CAPZB: variants seen among roughly 807,000 people sequenced by gnomAD.
CAPZB encodes the protein F-actin-capping protein subunit beta.
In CAPZB, 2 loss-of-function variants were observed where a neutral mutation model predicts 38.1. The ratio of observed to expected loss-of-function variants is 0.05; its 90% confidence interval spans 0.02 to 0.17. The LOEUF is 0.17. Ranked by LOEUF, CAPZB falls within the 10% of genes least tolerant of loss-of-function variation. The pLI is 1.00. For synonymous variants in CAPZB, 107 were observed against 127.4 expected, an observed-to-expected ratio of 0.84 and a Z score of 1.08; for missense variants, 161 against 334.2, an observed-to-expected ratio of 0.48 and a Z score of 4.04.
intron 4 of CAPZB, among the ~76,000 whole-genome samples, chr1:19,371,052 C>T (rs1570004703): frequency 6.6e-6 from 1 of 152,180 alleles, no homozygotes; most frequent in Admixed American, 6.5e-5. Context: ...ACCTGGTGAC[C>T]GATCCCAAGG....
chr1:19,363,944 A>G (rs1205717956), intron 4 of CAPZB, among the ~76,000 whole-genome samples: 1 of 152,222 alleles, frequency 6.6e-6, no homozygotes, highest in African/African-American at 2.4e-5. Context: ...GCTTTCCAGC[A>G]TGAGCCAAGA....
At chr1:19,353,961 C>A (rs2094006153) in intron 6 of CAPZB, among the ~76,000 whole-genome samples, 1 of 152,216 alleles carries the variant, frequency 6.6e-6, no homozygotes, top group African/African-American at 2.4e-5. Context: ...GAGACAGAGT[C>A]CTGTCTACAC....
At chr1:19,436,242 G>A (rs758585493) in intron 1 of CAPZB, among the ~76,000 whole-genome samples, 1 of 152,144 alleles carries the variant, frequency 6.6e-6, no homozygotes, top group African/African-American at 2.4e-5. Flanking sequence ...ACTCCATCCT[G>A]CCTGGGACAT....
chr1:19,413,427 G>A (rs1011537450), intron 2 of CAPZB, among the ~76,000 whole-genome samples: 2 of 152,200 alleles, frequency 1.3e-5, no homozygotes, highest in Non-Finnish European at 2.9e-5. Flanking sequence ...TTGACCTCCT[G>A]GGCTCAAGTG....
chr1:19,396,974 T>C (rs904357091), intron 2 of CAPZB, among the ~76,000 whole-genome samples: 1 of 151,720 alleles, frequency 6.6e-6, no homozygotes, highest in Non-Finnish European at 1.5e-5. Flanking sequence ...AAAAAAAGAT[T>C]ATCGTATTGG....
chr1:19,455,161 T>C (rs959862764), intron 1 of CAPZB, among the ~76,000 whole-genome samples: 72 of 152,256 alleles, frequency 4.7e-4, no homozygotes, highest in African/African-American at 1.5e-3. Flanking sequence ...ATGCCTCCCG[T>C]CCCGGGAGCA....
chr1:19,425,179 T>G (rs2094417787), intron 1 of CAPZB, among the ~76,000 whole-genome samples: 1 of 152,212 alleles, frequency 6.6e-6, no homozygotes, highest in East Asian at 1.9e-4. Context: ...ACAGGCCAGC[T>G]CCTTCAAAAC....
intron 1 of CAPZB, among the ~76,000 whole-genome samples, chr1:19,473,410 T>C (rs956978841): frequency 6.6e-6 from 1 of 152,080 alleles, no homozygotes; most frequent in African/African-American, 2.4e-5. Context: ...CTAATCCAAG[T>C]CCCCTTGCAT....
intron 2 of CAPZB, among the ~76,000 whole-genome samples, chr1:19,417,811 G>A (rs1050962119): frequency 2.6e-5 from 4 of 152,068 alleles, no homozygotes; most frequent in South Asian, 2.1e-4. Flanking sequence ...AACTGGACCC[G>A]GCCAATCTAA....
chr1:19,462,245 G>A (rs1056605943), intron 1 of CAPZB, among the ~76,000 whole-genome samples: 4 of 151,840 alleles, frequency 2.6e-5, no homozygotes, highest in African/African-American at 9.7e-5. Context: ...GAGGTCAGGA[G>A]ATTGAGACCA....
chr1:19,383,255 G>A (rs1366638798), intron 3 of CAPZB, among the ~76,000 whole-genome samples: 1 of 152,062 alleles, frequency 6.6e-6, no homozygotes, highest in Non-Finnish European at 1.5e-5. Flanking sequence ...AGACCAGCCT[G>A]GCCAACGTGG....
intron 1 of CAPZB, among the ~76,000 whole-genome samples, chr1:19,458,643 A>G (rs2094540828): frequency 6.6e-6 from 1 of 152,234 alleles, no homozygotes; most frequent in South Asian, 2.1e-4. Flanking sequence ...GGCGTGAGCC[A>G]CCATGCCCAG....
intron 2 of CAPZB, among the ~76,000 whole-genome samples, chr1:19,395,089 C>T (rs529322853): frequency 5.5e-4 from 83 of 152,244 alleles, no homozygotes; most frequent in African/African-American, 1.9e-3. Flanking sequence ...CGACGCTTGG[C>T]AGGTTAGGGG....
intron 8 of CAPZB, among the ~76,000 whole-genome samples, chr1:19,341,338 C>T (rs1465358442): frequency 1.3e-5 from 2 of 152,128 alleles, no homozygotes; most frequent in Non-Finnish European, 1.5e-5. Flanking sequence ...GCGGGAGATG[C>T]GGCGGGCAAA....
At chr1:19,431,430 T>C (rs11585241) in intron 1 of CAPZB, among the ~76,000 whole-genome samples, 155 of 152,336 alleles carry the variant, frequency 1.0e-3, no homozygotes, top group African/African-American at 3.4e-3. Flanking sequence ...CCGGGCACGG[T>C]GGCTCATGCC....
chr1:19,358,683 C>T (rs1258650954), intron 4 of CAPZB, among the ~76,000 whole-genome samples: 1 of 152,180 alleles, frequency 6.6e-6, no homozygotes, highest in Non-Finnish European at 1.5e-5. Flanking sequence ...TTTCTTGTGG[C>T]GAAAGTCTGT....
intron 1 of CAPZB, among the ~76,000 whole-genome samples, chr1:19,464,589 G>A (rs935763148): frequency 6.6e-6 from 1 of 152,060 alleles, no homozygotes; most frequent in Non-Finnish European, 1.5e-5. Context: ...ACCGCACCCG[G>A]CCCTATCTGT....
At chr1:19,448,395 T>C (rs1558270772) in intron 1 of CAPZB, among the ~76,000 whole-genome samples, 1 of 152,158 alleles carries the variant, frequency 6.6e-6, no homozygotes, top group Admixed American at 6.5e-5. Flanking sequence ...AGTTGAGGAG[T>C]GTTTAGAGAT....
chr1:19,468,860 C>T (rs994045695), intron 1 of CAPZB, among the ~76,000 whole-genome samples: 2 of 152,220 alleles, frequency 1.3e-5, no homozygotes, highest in Non-Finnish European at 1.5e-5. Flanking sequence ...CCTCTCACCT[C>T]CACTTCAACA....
Sources: allele counts gnomAD v4.1 joint callset (sites outside exome capture counted in the v4.1 genomes callset), GRCh38; gene constraint gnomAD v4.1.1; transcripts MANE v1.5; gene names NCBI Gene and HGNC (gene_info 2026-07-23, HGNC 2026-07-21).